COL6A3: variants seen among roughly 807,000 people sequenced by gnomAD.
The protein encoded by COL6A3 is collagen type VI alpha 3 chain, also known as collagen alpha-3(VI) chain.
A neutral mutation model predicts 274.1 loss-of-function variants in COL6A3; 137 were observed. The ratio of observed to expected loss-of-function variants is 0.50; its 90% CI spans 0.44 to 0.58. The LOEUF is 0.58. Among genes scored for constraint, COL6A3 ranks in the 20% least tolerant of loss-of-function variants. The probability of loss-of-function intolerance (pLI) is 0.00; values close to 1 mark genes in which losing one functional copy is unlikely to be tolerated. For synonymous variants in COL6A3, 1,650 were observed against 1,650.6 expected (o/e 1.00, Z 0.01); for missense variants, 3,950 against 4,124.9 (o/e 0.96, Z 1.16).
rs2077927301 is a variant in COL6A3, at chr2:237,378,973, G to C, written c.2160C>G (p.Gly720=). The C allele has an allele frequency of 6.2e-7, 1 of 1,614,104 alleles. No individual in the cohort carries two copies. Among genetic ancestry groups the C allele is most frequent in the South Asian group, 1.1e-5 (1 of 91,088 alleles). ...TGGCATAGACATAGCTTAGGGCTGA[G>C]CCTGTGTTCAGGCCCGAACCTCCCT... The part of the protein sequence containing the change: ...QLQGGSGLNT[G]SALSYVYANH... Residue 720 remains glycine, a synonymous_variant, in exon 6 of 44, where the codon GGC becomes GGG. Transcript: ENST00000295550.
chr2:237,334,244 G>T (rs1050685712), intron 41 of COL6A3, among the ~76,000 whole-genome samples: 2 of 152,182 alleles, frequency 1.3e-5, no homozygotes, highest in Non-Finnish European at 2.9e-5. Flanking sequence ...CCAGTGACTG[G>T]CTGGTGTTTT....
chr2:237,364,196 G>A lies in COL6A3; in HGVS notation c.5917+154C>T, dbSNP rs1036277955. ...AGCTCCATCCCACAGCTCCAAGCAG[G>A]TGATGAAGGGCCACAACGCTGGGAG... On this transcript the variant is annotated intron_variant, in intron 13 of 43. Coordinates refer to ENST00000295550, the MANE Select transcript of COL6A3 (RefSeq NM_004369.4). This position sits in a 1 kb window ranked among gnomAD's most constrained non-coding sequence, Gnocchi z 4.6. Among the ~76,000 whole-genome samples, 1 of 152,184 alleles carries A rather than the reference G, an allele frequency of 6.6e-6. No homozygotes were observed. The highest frequency in any genetic ancestry group is 1.5e-5 in the Non-Finnish European group (1 of 68,038).
chr2:237,341,137 G>A lies in COL6A3; in HGVS notation c.7779C>T (p.Ile2593=), dbSNP rs144249704. ...AACTGCCAAATCCACAGGATGGGTC[G>A]ATGTTGCAGATGTCTAGAAAGAAGC... ...TCHVCLDICN[I]DPSCGFGSWR... is the part of the protein sequence containing the mutation. Residue 2593 remains isoleucine, a synonymous_variant, in exon 38 of 44, where the codon ATC becomes ATT. Transcript: ENST00000295550. 678 of 1,614,132 alleles carry A rather than the reference G, an allele frequency of 4.2e-4. 5 individuals are homozygous for A. The highest frequency in any genetic ancestry group is 2.1e-3 in the Middle Eastern group (13 of 6,058).
chr2:237,333,437 T>G lies in COL6A3; in HGVS notation c.9328+13A>C. ...TTAGTGCCATTAATGGACCTAATAG[T>G]TTCACAACTCACCTGTTTCAGTGAG... is the stretch of plus-strand genomic sequence containing the variant. On this transcript the variant is annotated intron_variant, in intron 42 of 43. Transcript: ENST00000295550. The G allele has an allele frequency of 6.2e-7, 1 of 1,611,208 alleles. No homozygotes were observed. Among genetic ancestry groups the G allele is most frequent in the Non-Finnish European group, 8.5e-7 (1 of 1,177,354 alleles).
intron 39 of COL6A3, among the ~76,000 whole-genome samples, chr2:237,338,732 C>T (rs894386959): frequency 6.6e-6 from 1 of 152,224 alleles, no homozygotes; most frequent in Non-Finnish European, 1.5e-5. Context: ...TGCACAACTG[C>T]AGTCCAGCCT....
intron 4 of COL6A3, 58 bp downstream of exon 4, chr2:237,387,524 G>A: frequency 6.2e-7 from 1 of 1,612,398 alleles, no homozygotes; most frequent in African/African-American, 1.3e-5. Context: ...TTACGTCTAT[G>A]TAAACCAACA....
Position 237,373,299 on chromosome 2 carries a change from C to T in COL6A3, c.3680-962G>A, listed in dbSNP as rs11888056. ...GACACAGCATCACAGAGGCCTCCTG[C>T]AGGCAGATACATTTTGGAAATGTTG... is the stretch of plus-strand genomic sequence containing the variant. On this transcript the variant is annotated intron_variant, in intron 8 of 43. Coordinates refer to ENST00000295550, the MANE Select transcript of COL6A3 (RefSeq NM_004369.4). Among the ~76,000 whole-genome samples, 859 of 152,326 alleles carry T rather than the reference C, an allele frequency of 5.6e-3. 3 individuals are homozygous for T. Among genetic ancestry groups the T allele is most frequent in the African/African-American group, 0.02 (822 of 41,578 alleles).
intron 2 of COL6A3, 59 bp downstream of exon 2, chr2:237,396,668 A>G: frequency 1.3e-6 from 2 of 1,544,084 alleles, no homozygotes; most frequent in Non-Finnish European, 1.8e-6. Context: ...GATGTCTAAG[A>G]TCTAAAATCA....
chr2:237,365,603 A>G lies in COL6A3; in HGVS notation c.5838+95T>C, dbSNP rs1443823853. 3.7e-6 allele frequency: 4 copies of G among 1,075,368 alleles called. No individual in the cohort carries two copies. In the African/African-American group the frequency reaches 4.7e-5, roughly 13 times the overall value. 66.6% of individuals were successfully genotyped at this position (1,075,368 alleles called of 1,614,324 possible). On this transcript the variant is annotated intron_variant, in intron 12 of 43. Transcript: ENST00000295550. ...ATAGACACTAACAATCCAGTGAAAC[A>G]TGAAGAGGATTTAACTTGGGGGAAG...
At chr2:237,408,171 A>C (rs1181644780) in intron 1 of COL6A3, among the ~76,000 whole-genome samples, 1 of 152,114 alleles carries the variant, frequency 6.6e-6, no homozygotes, top group African/African-American at 2.4e-5. Context: ...CTTTTCAAAA[A>C]TCAAGTTGGA....
intron 25 of COL6A3, 94 bp downstream of exon 25, chr2:237,353,247 A>G (rs1353625718): frequency 2.4e-6 from 3 of 1,239,724 alleles, no homozygotes; most frequent in African/African-American, 3.0e-5. Context: ...TCACTTTAAA[A>G]TGGTTAACTT....
At position 237,366,909 on chromosome 2, in the gene COL6A3, G is replaced by A. The variant is rs1220653722; in HGVS notation, c.5278C>T (p.Gln1760Ter). The change falls in exon 11 of 44, where the codon CAG (glutamine) becomes TAG (stop). Residue 1760 changes from glutamine (Q) to a stop codon, truncating the protein, a stop_gained. Transcript: ENST00000295550. LOFTEE classifies it high-confidence loss of function. ...ITGGKSVEDA[Q>*]DVSLALTQRG... ...TGGGTGAGGGCCAGGCTCACATCCT[G>A]TGCATCTTCCACCGACTTTCCTCCC... 6.2e-7 allele frequency: 1 copy of A among 1,614,092 alleles called. No homozygotes were observed. The highest frequency in any genetic ancestry group is 1.3e-5 in the African/African-American group (1 of 74,926).
rs183630681 is a variant in COL6A3, at chr2:237,408,323, G to A, written c.-31+5630C>T. Among the ~76,000 whole-genome samples the A allele has an allele frequency of 1.7e-3, 257 of 152,232 alleles. 3 individuals are homozygous for A. Among genetic ancestry groups the A allele is most frequent in the South Asian group, 6.0e-3 (29 of 4,818 alleles). On this transcript the variant is annotated intron_variant, in intron 1 of 43. Coordinates refer to ENST00000295550, the MANE Select transcript of COL6A3 (RefSeq NM_004369.4). ...AAAGAAGGCTCCTTGCCTGTTGCTC[G>A]AACAGGCCATAGTCCTGCGACTGCT...
At chr2:237,398,423 G>T (rs530888264) in intron 1 of COL6A3, among the ~76,000 whole-genome samples, 9 of 152,158 alleles carry the variant, frequency 5.9e-5, no homozygotes, top group Admixed American at 1.3e-4. Context: ...TCTTGTGACA[G>T]CCTCTTCACT....
rs746914901 is a variant in COL6A3, at chr2:237,374,668, G to A, written c.3423C>T (p.Ala1141=). ...TCCGCACATCATCCCCAGACCTGTC[G>A]GCCGTGAGGACGATCAGCAGCTGGG... The part of the protein sequence containing the change: ...GVPQLLIVLT[A]DRSGDDVRNP... The change falls in exon 8 of 44, where the codon GCC becomes GCT. Residue 1141 remains alanine, a synonymous_variant. Transcript: ENST00000295550. This position sits in a 1 kb window ranked among gnomAD's most constrained non-coding sequence, Gnocchi z 4.8. 1.1e-5 allele frequency: 18 copies of A among 1,613,790 alleles called. No homozygotes were observed. The highest frequency in any genetic ancestry group is 2.2e-5 in the East Asian group (1 of 44,842).
intron 21 of COL6A3, 47 bp downstream of exon 21, chr2:237,358,474 C>T (rs2077365104): frequency 4.6e-6 from 7 of 1,506,064 alleles, no homozygotes; most frequent in Non-Finnish European, 6.5e-6. Context: ...CCCAACAACC[C>T]TCTTCCCCAG....
chr2:237,357,810 A>C lies in COL6A3; in HGVS notation c.6537+7T>G. 6.2e-7 allele frequency: 1 copy of C among 1,613,790 alleles called. No homozygotes were observed. The highest frequency in any genetic ancestry group is 2.2e-5 in the East Asian group (1 of 44,866). ...CAGGGAGAGTCTAGGAATGTGCAGC[A>C]CCTTACCATGGGGCCGAGGTCACCG... On this transcript the variant is annotated splice_region_variant and intron_variant, in intron 22 of 43. Transcript: ENST00000295550.
rs1016517819 is a variant in COL6A3, at chr2:237,371,928, G to A, written c.4089C>T (p.Gly1363=). 13 of 1,613,922 alleles carry A rather than the reference G, an allele frequency of 8.1e-6. No individual in the cohort carries two copies. Among genetic ancestry groups the A allele is most frequent in the Admixed American group, 1.7e-5 (1 of 60,002 alleles). Residue 1363 remains glycine, a synonymous_variant, in exon 9 of 44, where the codon GGC becomes GGT. Coordinates refer to ENST00000295550, the MANE Select transcript of COL6A3 (RefSeq NM_004369.4). The surrounding 1 kb of genome is among the most constrained non-coding windows in gnomAD (Gnocchi z 4.3). ...TCCTGGCGATCGTGAAAGGGGCCAC[G>A]CCAAACTGCTTGAGCTCCACCGCCG... ...DDPAVELKQF[G]VAPFTIARNA...
chr2:237,341,036 G>A lies in COL6A3; in HGVS notation c.7880C>T (p.Ala2627Val). 3 of 1,614,174 alleles carry A rather than the reference G, an allele frequency of 1.9e-6. No homozygotes were observed. The highest frequency in any genetic ancestry group is 2.5e-6 in the Non-Finnish European group (3 of 1,180,046). ...GAACTGGAACAGGGTGGTGGTCTCA[G>A]CGCTGTCTAAGATGAAAGCCATGTC... is the stretch of plus-strand genomic sequence containing the variant. ...DIDMAFILDS[A>V]ETTTLFQFNE... Residue 2627 changes from alanine to valine, a missense_variant, in exon 38 of 44, where the codon GCT becomes GTT. Around this residue, in one of 5 missense-constraint regions of COL6A3, gnomAD observed 1,284 missense variants for 1,349.7 expected, o/e 0.95. Transcript: ENST00000295550.
Sources: allele counts gnomAD v4.1 joint callset (sites outside exome capture counted in the v4.1 genomes callset), GRCh38; gene constraint gnomAD v4.1.1; regional missense constraint gnomAD v4.1.1; non-coding constraint Gnocchi (gnomAD v3.1); transcripts MANE v1.5; gene names NCBI Gene and HGNC (gene_info 2026-07-23, HGNC 2026-07-21).